HTRA3: variants seen among roughly 807,000 people sequenced by gnomAD.
The protein encoded by HTRA3 is HtrA serine peptidase 3.
Under a neutral mutation model 43.2 loss-of-function variants are expected in HTRA3, and 41 were observed. The ratio of observed to expected loss-of-function variants is 0.95; its 90% confidence interval spans 0.74 to 1.23. The LOEUF is 1.23. Among genes scored for constraint, HTRA3 ranks in the 50% most tolerant of loss-of-function variants. The probability of loss-of-function intolerance (pLI) is 0.00; values close to 1 mark genes in which losing one functional copy is unlikely to be tolerated. For synonymous variants in HTRA3, 295 were observed against 287.9 expected, an observed-to-expected ratio of 1.02 and a Z score of -0.25; for missense variants, 628 against 647.1, an observed-to-expected ratio of 0.97 and a Z score of 0.32.
chr4:8,298,027 C>T (rs1227906579), intron 6 of HTRA3, among the ~76,000 whole-genome samples: 3 of 152,206 alleles, frequency 2.0e-5, no homozygotes, highest in African/African-American at 7.2e-5. Context: ...GATGCATCCA[C>T]CCCGGGCCTC....
At chr4:8,298,044 G>T (rs1447125649) in intron 6 of HTRA3, among the ~76,000 whole-genome samples, 1 of 152,124 alleles carries the variant, frequency 6.6e-6, no homozygotes, top group African/African-American at 2.4e-5. Flanking sequence ...CCTCGTCGCC[G>T]CTCCGCCTCC....
At position 8,291,399 on chromosome 4, in the gene HTRA3, C is replaced by A. The variant is rs201208521; in HGVS notation, c.738C>A (p.His246Gln). The A allele has an allele frequency of 1.2e-6, 2 of 1,613,584 alleles. No individual in the cohort carries two copies. The highest frequency in any genetic ancestry group is 2.7e-5 in the African/African-American group (2 of 75,062). The stretch of plus-strand genomic sequence containing the variant: ...AGCTCCCTGTGTTGTTGCTGGGTCA[C>A]TCGGCCGACCTGCGGCCTGGGGAGT... ...KKKLPVLLLGHSADLRPGEFV... is the reference protein window; with the variant it reads ...KKKLPVLLLGQSADLRPGEFV... The change falls in exon 4 of 9, where the codon CAC (histidine) becomes CAA (glutamine). Residue 246 changes from histidine (H) to glutamine (Q), a missense_variant. His to Gln is a conservative substitution (Grantham distance 24, BLOSUM62 0). Coordinates refer to ENST00000307358, the MANE Select transcript of HTRA3 (RefSeq NM_053044.5).
At chr4:8,294,316 T>G (rs1713361210) in intron 6 of HTRA3, 115 bp downstream of exon 6, 2 of 725,320 alleles carry the variant, frequency 2.8e-6, no homozygotes. Flanking sequence ...TGAACTTTGC[T>G]CACTACTGGA....
At chr4:8,277,419 C>A (rs1712572021) in intron 1 of HTRA3, among the ~76,000 whole-genome samples, 2 of 152,162 alleles carry the variant, frequency 1.3e-5, no homozygotes, top group South Asian at 4.1e-4. Context: ...AGGTCCAGCC[C>A]AGACGCAGGG....
At chr4:8,298,066 C>T (rs760640533) in intron 6 of HTRA3, among the ~76,000 whole-genome samples, 3 of 152,214 alleles carry the variant, frequency 2.0e-5, no homozygotes, top group African/African-American at 7.2e-5. Context: ...CCTCCACCTC[C>T]GGGTCCAGCA....
At chr4:8,291,738 C>A (rs1713251640) in intron 4 of HTRA3, among the ~76,000 whole-genome samples, 174 bp downstream of exon 4, 1 of 152,224 alleles carries the variant, frequency 6.6e-6, no homozygotes, top group South Asian at 2.1e-4. Context: ...CCTGTGACTT[C>A]CACCCCAGGG....
Position 8,295,759 on chromosome 4 carries a change from C to T in HTRA3, c.1051+1558C>T, listed in dbSNP as rs1011804217. ...CACGTTTCCCCCTCCTCCATGACCCCGTCAGCCAAGCACATGGACCCCAGT... is the reference window on the plus strand; with the variant it reads ...CACGTTTCCCCCTCCTCCATGACCCTGTCAGCCAAGCACATGGACCCCAGT... On this transcript the variant is annotated intron_variant, in intron 6 of 8. Coordinates refer to ENST00000307358, the MANE Select transcript of HTRA3 (RefSeq NM_053044.5). The surrounding 1 kb of genome is among the most constrained non-coding windows in gnomAD (Gnocchi z 6.9). 19 of 1,303,844 alleles carry T rather than the reference C, an allele frequency of 1.5e-5. No individual in the cohort carries two copies. The Admixed American group carries it at 2.2e-4, about 15-fold the overall frequency. The allele number at this position is 1,303,844 out of a possible 1,614,324, so 80.8% of individuals were successfully genotyped here.
intron 1 of HTRA3, among the ~76,000 whole-genome samples, chr4:8,281,391 C>T (rs1027998853): frequency 6.6e-6 from 1 of 152,202 alleles, no homozygotes; most frequent in Non-Finnish European, 1.5e-5. Context: ...GGTGGGTAGC[C>T]CCCCGGGCAG....
In HTRA3 at chr4:8,297,252, C is replaced by T. The variant is rs1212981713; in HGVS notation, c.1051+3051C>T. ...GGCCCCATACTTGGTGTGTGTTCTG[C>T]TCACCTCTCAAGTTCAAGGAGAAGA... On this transcript the variant is annotated intron_variant, in intron 6 of 8. Coordinates refer to ENST00000307358, the MANE Select transcript of HTRA3 (RefSeq NM_053044.5). The surrounding 1 kb of genome is among the most constrained non-coding windows in gnomAD (Gnocchi z 5.8). Among the ~76,000 whole-genome samples the T allele has an allele frequency of 2.0e-5, 3 of 151,790 alleles. No homozygotes were observed. Among genetic ancestry groups the T allele is most frequent in the Non-Finnish European group, 4.4e-5 (3 of 67,990 alleles).
At position 8,295,623 on chromosome 4, in the gene HTRA3, C is replaced by A; in HGVS notation, c.1051+1422C>A. The A allele has an allele frequency of 8.3e-7, 1 of 1,200,426 alleles. No individual in the cohort carries two copies. Among genetic ancestry groups the A allele is most frequent in the Non-Finnish European group, 1.1e-6 (1 of 924,122 alleles). 74.4% of individuals were successfully genotyped at this position (1,200,426 alleles called of 1,614,324 possible). On this transcript the variant is annotated intron_variant, in intron 6 of 8. Coordinates refer to ENST00000307358, the MANE Select transcript of HTRA3 (RefSeq NM_053044.5). This position sits in a 1 kb window ranked among gnomAD's most constrained non-coding sequence, Gnocchi z 6.9. ...CCTCCTGCCATTGTGTCTCCTGTGC[C>A]CACCTCCTGGCCAACGCCCAGGCCT... is the stretch of plus-strand genomic sequence containing the variant.
chr4:8,288,515 T>C (rs1475418129), intron 3 of HTRA3, among the ~76,000 whole-genome samples: 1 of 151,508 alleles, frequency 6.6e-6, no homozygotes, highest in African/African-American at 2.4e-5. Context: ...CCACAGGTGA[T>C]CCACCTGCCT....
At chr4:8,294,263 T>A in intron 6 of HTRA3, 62 bp downstream of exon 6, 1 of 1,242,192 alleles carries the variant, frequency 8.1e-7, no homozygotes, top group Non-Finnish European at 1.2e-6. Context: ...TACAGCCCCT[T>A]AACACCCCAG....
intron 1 of HTRA3, among the ~76,000 whole-genome samples, chr4:8,281,940 G>A (rs186850356): frequency 6.6e-6 from 1 of 152,324 alleles, no homozygotes; most frequent in Non-Finnish European, 1.5e-5. Context: ...GGGTCACCTG[G>A]GGGTCTTCCA....
At chr4:8,302,205 G>A (rs911908200) in intron 6 of HTRA3, among the ~76,000 whole-genome samples, 1 of 152,176 alleles carries the variant, frequency 6.6e-6, no homozygotes, top group Admixed American at 6.5e-5. Flanking sequence ...AGCTCACATG[G>A]TTGGATGCAG....
chr4:8,298,063 C>A (rs552998172), intron 6 of HTRA3, among the ~76,000 whole-genome samples: 1 of 152,368 alleles, frequency 6.6e-6, no homozygotes, highest in East Asian at 1.9e-4. Context: ...CCACCTCCAC[C>A]TCCGGGTCCA....
chr4:8,277,910 C>A (rs1712593316), intron 1 of HTRA3, among the ~76,000 whole-genome samples: 1 of 152,162 alleles, frequency 6.6e-6, no homozygotes, highest in East Asian at 1.9e-4. Context: ...AAAGAAGGGG[C>A]AGGGACCTTA....
Position 8,286,641 on chromosome 4 carries a change from A to G in HTRA3, c.566A>G (p.Asn189Ser), listed in dbSNP as rs778230409. The change falls in exon 3 of 9, where the codon AAT becomes AGT. Residue 189 changes from asparagine to serine, a missense_variant. Asn to Ser is a conservative substitution (Grantham distance 46). Transcript: ENST00000307358. This position sits in a 1 kb window ranked among gnomAD's most constrained non-coding sequence, Gnocchi z 4.9. ...IMSEAGLIIT[N>S]AHVVSSNSAA... Reference sequence around the variant, plus strand: ...TCAGAGGCCGGCCTGATCATCACCAATGCCCACGTGGTGTCCAGCAACAGT... The same window carrying G: ...TCAGAGGCCGGCCTGATCATCACCAGTGCCCACGTGGTGTCCAGCAACAGT... The G allele has an allele frequency of 3.8e-5, 61 of 1,613,954 alleles. 1 individual carries two copies. The highest frequency in any genetic ancestry group is 1.6e-4 in the Middle Eastern group (1 of 6,084).
intron 1 of HTRA3, among the ~76,000 whole-genome samples, chr4:8,281,477 G>A (rs565659884): frequency 4.1e-4 from 62 of 152,356 alleles, no homozygotes; most frequent in African/African-American, 1.4e-3. Context: ...CCATTTTTCA[G>A]ATGAGGAGTT....
chr4:8,276,550 AGAG>A (rs1156970707), intron 1 of HTRA3, among the ~76,000 whole-genome samples: 2 of 152,236 alleles, frequency 1.3e-5, no homozygotes, highest in East Asian at 3.8e-4. Flanking sequence ...GCTTCCTGTA[AGAG>A]GAGGGCCAGG....
Sources: gnomAD v4.1 joint callset for allele counts (sites outside exome capture counted in the v4.1 genomes callset) on GRCh38, gnomAD v4.1.1 for gene constraint, Gnocchi (gnomAD v3.1) non-coding constraint, MANE v1.5 for transcripts, NCBI Gene and HGNC (gene_info 2026-07-23, HGNC 2026-07-21) for gene names.